RASSF9: variants seen among roughly 807,000 people sequenced by gnomAD.
RASSF9 encodes Ras association domain family member 9, also known as ras association domain-containing protein 9.
RASSF9 carries 18 observed loss-of-function variants against 21.4 expected under a neutral mutation model. The observed-to-expected ratio is 0.84, with a 90% CI of 0.58 to 1.25. The LOEUF is 1.25. Ranked by LOEUF, RASSF9 falls within the 50% of genes most tolerant of loss-of-function variation. The pLI, the probability that RASSF9 is intolerant of heterozygous loss-of-function variation, is 0.00. For missense variants in RASSF9, 480 were observed against 503.2 expected (o/e 0.95, Z 0.44); for synonymous variants, 183 against 179.1 (o/e 1.02, Z -0.18).
chr12:85,826,683 TCTGC>T (rs1267622648), intron 1 of RASSF9, among the ~76,000 whole-genome samples: 1 of 149,258 alleles, frequency 6.7e-6, no homozygotes, highest in Non-Finnish European at 1.5e-5. Flanking sequence ...GACCTCGTGA[TCTGC>T]CTGCCTCGGC....
chr12:85,829,268 C>T (rs1227856487), intron 1 of RASSF9, among the ~76,000 whole-genome samples: 1 of 152,006 alleles, frequency 6.6e-6, no homozygotes, highest in Non-Finnish European at 1.5e-5. Flanking sequence ...TGAAAATTTG[C>T]TGAAGTTGGA....
chr12:85,810,069 T>C (rs1450287218), intron 1 of RASSF9, among the ~76,000 whole-genome samples: 1 of 152,040 alleles, frequency 6.6e-6, no homozygotes, highest in East Asian at 1.9e-4. Flanking sequence ...TCTGAGCACA[T>C]TTAAAAGTAA....
At chr12:85,835,302 C>T (rs1405408704) in intron 1 of RASSF9, among the ~76,000 whole-genome samples, 1 of 151,942 alleles carries the variant, frequency 6.6e-6, no homozygotes, top group Non-Finnish European at 1.5e-5. Context: ...AAAAATATAG[C>T]CCATGTCTAA....
intron 1 of RASSF9, among the ~76,000 whole-genome samples, chr12:85,825,337 A>G (rs1880308551): frequency 6.6e-6 from 1 of 152,272 alleles, no homozygotes; most frequent in South Asian, 2.1e-4. Flanking sequence ...TGCCTAATAC[A>G]GTAGGTATTA....
At chr12:85,817,309 G>A (rs925109930) in intron 1 of RASSF9, among the ~76,000 whole-genome samples, 5 of 151,994 alleles carry the variant, frequency 3.3e-5, no homozygotes, top group Admixed American at 1.3e-4. Context: ...CAAACTAAGA[G>A]ATCATACTTT....
In RASSF9 at chr12:85,836,235, T is replaced by C. The variant is rs373937189; in HGVS notation, c.-34A>G. The C allele has an allele frequency of 1.1e-4, 163 of 1,504,182 alleles. No individual in the cohort carries two copies. Among genetic ancestry groups the C allele is most frequent in the Middle Eastern group, 1.7e-4 (1 of 5,742 alleles). 93.2% of individuals were successfully genotyped at this position (1,504,182 alleles called of 1,614,324 possible). Reference sequence around the variant, plus strand: ...GGGCAAACGAATAAAGAAATTATCTTAAAGTGATCTGAGGGTGGGGGTGGG... The same window carrying C: ...GGGCAAACGAATAAAGAAATTATCTCAAAGTGATCTGAGGGTGGGGGTGGG... On this transcript the variant is annotated 5_prime_UTR_variant, in exon 1 of 2. Coordinates refer to ENST00000361228, the MANE Select transcript of RASSF9 (RefSeq NM_005447.4).
chr12:85,806,241 G>A (rs933989545), intron 1 of RASSF9, among the ~76,000 whole-genome samples: 1 of 150,892 alleles, frequency 6.6e-6, no homozygotes, highest in Non-Finnish European at 1.5e-5. Flanking sequence ...TAGTACAGAC[G>A]GGGTTTCACC....
intron 1 of RASSF9, among the ~76,000 whole-genome samples, chr12:85,811,183 G>A (rs1344052436): frequency 6.6e-6 from 1 of 151,714 alleles, no homozygotes; most frequent in African/African-American, 2.4e-5. Context: ...GTATAATTTT[G>A]CCTCCCTTTA....
rs879525082 is a variant in RASSF9 at position 85,801,463 on chromosome 12, C to A, written c.*3239G>T. ...CTCAATTCAAAAAGGGAGCAGGGGG[C>A]AAAGAAGTTAATAGGAAAGAGTAAG... On this transcript the variant is annotated 3_prime_UTR_variant, in exon 2 of 2. Coordinates refer to ENST00000361228, the MANE Select transcript of RASSF9 (RefSeq NM_005447.4). 8 of 151,998 alleles carry A rather than the reference C, an allele frequency of 5.3e-5. No homozygotes were observed. The highest frequency in any genetic ancestry group is 1.0e-4 in the Non-Finnish European group (7 of 68,034). 9.4% of individuals were successfully genotyped at this position (151,998 alleles called of 1,614,324 possible).
At chr12:85,824,338 A>C (rs999342404) in intron 1 of RASSF9, among the ~76,000 whole-genome samples, 3 of 152,148 alleles carry the variant, frequency 2.0e-5, no homozygotes, top group Non-Finnish European at 2.9e-5. Flanking sequence ...CTCTCCTCTT[A>C]CTTTAACAAC....
intron 1 of RASSF9, among the ~76,000 whole-genome samples, chr12:85,813,000 T>G (rs1190448948): frequency 2.6e-5 from 4 of 151,848 alleles, no homozygotes; most frequent in Non-Finnish European, 5.9e-5. Flanking sequence ...CCAAGAATGT[T>G]TTTAATCTTC....
intron 1 of RASSF9, among the ~76,000 whole-genome samples, chr12:85,830,603 G>A (rs1592534787): frequency 6.6e-6 from 1 of 151,964 alleles, no homozygotes; most frequent in African/African-American, 2.4e-5. Flanking sequence ...ATTTATAAAA[G>A]CAGGGTGCAT....
chr12:85,812,253 ATG>A (rs1436685985), intron 1 of RASSF9, among the ~76,000 whole-genome samples: 2 of 151,662 alleles, frequency 1.3e-5, no homozygotes, highest in African/African-American at 2.4e-5. Context: ...TTAGTTGTAT[ATG>A]TGTTTTTGAT....
intron 1 of RASSF9, among the ~76,000 whole-genome samples, chr12:85,806,232 A>G (rs1879830596): frequency 6.7e-6 from 1 of 150,246 alleles, no homozygotes; most frequent in African/African-American, 2.4e-5. Context: ...TTGTATTTTT[A>G]GTACAGACGG....
chr12:85,828,913 T>C (rs1287142874), intron 1 of RASSF9, among the ~76,000 whole-genome samples: 1 of 152,152 alleles, frequency 6.6e-6, no homozygotes, highest in South Asian at 2.1e-4. Flanking sequence ...AAAAGGTCCA[T>C]GGTTTATCAA....
intron 1 of RASSF9, among the ~76,000 whole-genome samples, chr12:85,820,960 A>G (rs532925300): frequency 2.0e-5 from 3 of 152,208 alleles, no homozygotes; most frequent in East Asian, 3.9e-4. Flanking sequence ...CCTGGCCAAC[A>G]TGGTGAAACC....
intron 1 of RASSF9, among the ~76,000 whole-genome samples, chr12:85,817,652 C>G (rs1202928976): frequency 6.6e-6 from 1 of 151,796 alleles, no homozygotes; most frequent in African/African-American, 2.4e-5. Flanking sequence ...TTTGTTTCAA[C>G]ATGTATTTGT....
Position 85,801,658 on chromosome 12 carries a change from C to CA in RASSF9, c.*3043dup, listed in dbSNP as rs975958871. ...AAACCCCGTCTCTACTAAAAAAATA[C>CA]AAAAAAATTAGCCTGGCGTGGTGGC... On this transcript the variant is annotated 3_prime_UTR_variant, in exon 2 of 2. Coordinates refer to ENST00000361228, the MANE Select transcript of RASSF9 (RefSeq NM_005447.4). 2.6e-5 allele frequency: 4 copies of CA among 152,128 alleles called. No individual in the cohort carries two copies. Among genetic ancestry groups the CA allele is most frequent in the Non-Finnish European group, 4.4e-5 (3 of 68,138 alleles). 9.4% of individuals were successfully genotyped at this position (152,128 alleles called of 1,614,324 possible).
intron 1 of RASSF9, among the ~76,000 whole-genome samples, chr12:85,830,589 C>T (rs976820694): frequency 3.9e-5 from 6 of 152,048 alleles, no homozygotes; most frequent in African/African-American, 1.2e-4. Context: ...GTTTAAATCA[C>T]TTCATTTATA....
Sources: gnomAD v4.1 joint callset for allele counts (sites outside exome capture counted in the v4.1 genomes callset) on GRCh38, gnomAD v4.1.1 for gene constraint, MANE v1.5 for transcripts, NCBI Gene and HGNC (gene_info 2026-07-23, HGNC 2026-07-21) for gene names.